NKAIN3: variants seen among roughly 807,000 people sequenced by gnomAD.
NKAIN3 encodes the protein sodium/potassium-transporting ATPase subunit beta-1-interacting protein 3.
Under a neutral mutation model 30.2 loss-of-function variants are expected in NKAIN3, and 25 were observed. That is an observed-to-expected ratio of 0.83 (90% confidence interval 0.60 to 1.16). NKAIN3 has a LOEUF of 1.16. Among genes scored for constraint, NKAIN3 ranks in the 50% most tolerant of loss-of-function variants. NKAIN3 has a pLI of 0.00. For synonymous variants in NKAIN3, 91 were observed against 89.6 expected, an observed-to-expected ratio of 1.02 and a Z score of -0.09; for missense variants, 225 against 254.1, an observed-to-expected ratio of 0.89 and a Z score of 0.78.
intron 1 of NKAIN3, among the ~76,000 whole-genome samples, chr8:62,413,336 T>C (rs1424342852): frequency 6.6e-6 from 1 of 152,210 alleles, no homozygotes; most frequent in East Asian, 1.9e-4. Context: ...TGGAGTGTGG[T>C]ATATTCTACC....
chr8:62,734,321 T>G (rs1432704091), intron 3 of NKAIN3, among the ~76,000 whole-genome samples: 1 of 152,214 alleles, frequency 6.6e-6, no homozygotes, highest in Admixed American at 6.5e-5. Context: ...GTAATAATTC[T>G]AAAATCTAAA....
chr8:62,743,976 A>G (rs916058924), intron 3 of NKAIN3, among the ~76,000 whole-genome samples: 3 of 152,198 alleles, frequency 2.0e-5, no homozygotes, highest in African/African-American at 7.2e-5. Flanking sequence ...CAGAAAGGCA[A>G]GTGATAGAGT....
chr8:62,566,301 A>G (rs1809747740), intron 1 of NKAIN3, among the ~76,000 whole-genome samples: 1 of 152,064 alleles, frequency 6.6e-6, no homozygotes, highest in Admixed American at 6.6e-5. Context: ...TTGGACACCC[A>G]TTTACTATAG....
intron 1 of NKAIN3, among the ~76,000 whole-genome samples, chr8:62,525,608 ACTT>A (rs1277698631): frequency 3.3e-5 from 5 of 152,132 alleles, no homozygotes; most frequent in African/African-American, 9.7e-5. Context: ...GCAGGTGTCT[ACTT>A]CTTAATTCAG....
At chr8:62,313,386 A>G (rs997780407) in intron 1 of NKAIN3, among the ~76,000 whole-genome samples, 1 of 152,118 alleles carries the variant, frequency 6.6e-6, no homozygotes, top group Non-Finnish European at 1.5e-5. Flanking sequence ...TTCTTTCAGA[A>G]TCCTATTTAG....
At chr8:62,803,720 C>G (rs566863770) in intron 4 of NKAIN3, among the ~76,000 whole-genome samples, 1 of 152,058 alleles carries the variant, frequency 6.6e-6, no homozygotes, top group Non-Finnish European at 1.5e-5. Flanking sequence ...AAAGCAAGAG[C>G]AAACACATTC....
chr8:62,960,796 T>C (rs186659246), intron 6 of NKAIN3, among the ~76,000 whole-genome samples: 18 of 148,696 alleles, frequency 1.2e-4, no homozygotes, highest in African/African-American at 4.5e-4. Flanking sequence ...ACATTTACAG[T>C]TCTATCAGAA....
intron 1 of NKAIN3, among the ~76,000 whole-genome samples, chr8:62,490,326 C>T (rs766027436): frequency 6.6e-6 from 1 of 152,136 alleles, no homozygotes; most frequent in Non-Finnish European, 1.5e-5. Context: ...TTCTTGATGG[C>T]CTGCCTTACG....
At chr8:62,963,098 G>T (rs1445818683) in intron 6 of NKAIN3, among the ~76,000 whole-genome samples, 2 of 152,078 alleles carry the variant, frequency 1.3e-5, no homozygotes, top group Non-Finnish European at 2.9e-5. Context: ...TCACCATTTT[G>T]GTCAGGCTGC....
intron 3 of NKAIN3, among the ~76,000 whole-genome samples, chr8:62,594,287 A>G (rs1253848771): frequency 6.6e-6 from 1 of 151,960 alleles, no homozygotes; most frequent in East Asian, 1.9e-4. Context: ...TCCTGATACC[A>G]CCTTATAGAC....
At chr8:62,599,824 A>C (rs1169525355) in intron 3 of NKAIN3, among the ~76,000 whole-genome samples, 40 of 151,956 alleles carry the variant, frequency 2.6e-4, no homozygotes, top group Non-Finnish European at 7.4e-5. Flanking sequence ...CACTTCCCCT[A>C]GGAGTACTTT....
intron 4 of NKAIN3, among the ~76,000 whole-genome samples, chr8:62,823,753 G>C (rs1818929336): frequency 6.6e-6 from 1 of 152,102 alleles, no homozygotes; most frequent in African/African-American, 2.4e-5. Context: ...AGATGACTAA[G>C]GGCAAGGCTT....
intron 1 of NKAIN3, among the ~76,000 whole-genome samples, chr8:62,404,985 G>T (rs1804017429): frequency 1.3e-5 from 2 of 152,078 alleles, no homozygotes. Context: ...GAATCCTGCT[G>T]CAACCGAGTC....
chr8:62,506,759 C>T (rs567282612), intron 1 of NKAIN3, among the ~76,000 whole-genome samples: 1 of 152,192 alleles, frequency 6.6e-6, no homozygotes, highest in South Asian at 2.1e-4. Context: ...AGGCATGAGC[C>T]ACCATACCCA....
At chr8:62,407,861 G>A (rs899645451) in intron 1 of NKAIN3, among the ~76,000 whole-genome samples, 1 of 152,166 alleles carries the variant, frequency 6.6e-6, no homozygotes, top group East Asian at 1.9e-4. Context: ...GAGAGACCAC[G>A]TCTCTACAAC....
At chr8:62,593,579 C>A (rs10110425) in intron 3 of NKAIN3, among the ~76,000 whole-genome samples, 11,118 of 151,690 alleles carry the variant, frequency 0.073, 513 homozygotes, top group East Asian at 0.15. Flanking sequence ...ATTATCAATT[C>A]ATTAAAGAAA....
At chr8:62,791,920 G>A (rs774224546) in intron 4 of NKAIN3, among the ~76,000 whole-genome samples, 4 of 152,208 alleles carry the variant, frequency 2.6e-5, no homozygotes, top group Admixed American at 2.6e-4. Flanking sequence ...GACAAAAATT[G>A]TATATATTCA....
intron 2 of NKAIN3, among the ~76,000 whole-genome samples, chr8:62,583,535 G>A (rs920755722): frequency 5.3e-5 from 8 of 152,126 alleles, no homozygotes; most frequent in Admixed American, 2.0e-4. Flanking sequence ...ATATCCTACA[G>A]GGCATGTATT....
intron 1 of NKAIN3, among the ~76,000 whole-genome samples, chr8:62,538,412 C>T (rs1808733642): frequency 6.6e-6 from 1 of 152,116 alleles, no homozygotes; most frequent in African/African-American, 2.4e-5. Flanking sequence ...TGAGCTCAAG[C>T]AATTCCCCCA....
Sources: gnomAD v4.1 joint callset for allele counts (sites outside exome capture counted in the v4.1 genomes callset) on GRCh38, gnomAD v4.1.1 for gene constraint, MANE v1.5 for transcripts, NCBI Gene and HGNC (gene_info 2026-07-23, HGNC 2026-07-21) for gene names.